GABRA3: variants seen among roughly 807,000 people sequenced by gnomAD.
GABRA3 encodes the protein gamma-aminobutyric acid receptor subunit alpha-3.
Under a neutral mutation model 30.1 loss-of-function variants are expected in GABRA3, and 10 were observed. That is an observed-to-expected ratio of 0.33 (90% CI 0.20 to 0.56). GABRA3 has a LOEUF of 0.56. GABRA3 is among the 20% of genes least tolerant of loss of function. The pLI is 0.89. For missense variants in GABRA3, 233 were observed against 392.0 expected (o/e 0.59, Z 3.42); for synonymous variants, 151 against 146.8 (o/e 1.03, Z -0.21).
At position 152,239,322 on chromosome X, in the gene GABRA3, A is replaced by C. The variant is rs902967560; in HGVS notation, c.552-14477T>G. Among the ~76,000 whole-genome samples the C allele has an allele frequency of 1.9e-4, 21 of 107,747 alleles. No individual in the cohort carries two copies. In the South Asian group the frequency reaches 5.0e-3, roughly 26 times the overall value. The allele number at this position is 107,747 out of a possible 115,157, so 93.6% of individuals were successfully genotyped here. A position where few individuals can be genotyped will look rare whatever the true frequency, so the allele number is the denominator to read the frequency against. On this transcript the variant is annotated intron_variant, in intron 5 of 9. Coordinates refer to ENST00000370314, the MANE Select transcript of GABRA3 (RefSeq NM_000808.4). ...AGAGGCTTTGAGTGAGATTCTTAAT[A>C]CTGAGTTCTAGTTTGATTGCACTGT... is the stretch of plus-strand genomic sequence containing the variant.
chrX:152,176,701 A>G (rs1044133165), intron 9 of GABRA3, among the ~76,000 whole-genome samples: 2 of 111,469 alleles, frequency 1.8e-5, no homozygotes, highest in Non-Finnish European at 3.8e-5. Context: ...CAGACATCCC[A>G]ATAGGAATAT....
intron 3 of GABRA3, among the ~76,000 whole-genome samples, chrX:152,292,397 C>A (rs1175309534): frequency 1.8e-5 from 2 of 111,613 alleles, no homozygotes; most frequent in African/African-American, 6.5e-5. Context: ...GTGATATCCC[C>A]TTTATCATTT....
chrX:152,270,960 ACTT>A (rs1433367478), intron 4 of GABRA3, among the ~76,000 whole-genome samples: 1 of 99,428 alleles, frequency 1.0e-5, no homozygotes, highest in Non-Finnish European at 2.0e-5. Context: ...CTTCCTAGAG[ACTT>A]CTTTTTTTTT....
intron 1 of GABRA3, among the ~76,000 whole-genome samples, chrX:152,450,736 T>G (rs1931200293): frequency 8.9e-6 from 1 of 111,834 alleles, no homozygotes. Context: ...ACTACATCCC[T>G]GGTGCCTAGA....
intron 5 of GABRA3, among the ~76,000 whole-genome samples, chrX:152,232,328 C>T (rs778378683): frequency 4.5e-5 from 5 of 109,898 alleles, no homozygotes; most frequent in Admixed American, 2.0e-4. Context: ...TATTACATAG[C>T]GGTGAAATTA....
chrX:152,209,854 C>A (rs899085741), intron 6 of GABRA3, among the ~76,000 whole-genome samples: 1 of 112,403 alleles, frequency 8.9e-6, no homozygotes, highest in Non-Finnish European at 1.9e-5. Flanking sequence ...TATATCTGTG[C>A]TCTCATAAGC....
chrX:152,393,421 G>A (rs1464186727), intron 1 of GABRA3: 2 of 377,534 alleles, frequency 5.3e-6, no homozygotes, highest in Non-Finnish European at 1.1e-5. Flanking sequence ...TCCCTGTAAA[G>A]CAGTAGACAA....
intron 7 of GABRA3, 115 bp downstream of exon 7, chrX:152,207,886 A>G (rs1428206218): frequency 1.4e-6 from 1 of 716,216 alleles, no homozygotes; most frequent in Non-Finnish European, 2.0e-6. Flanking sequence ...TCATGATAAT[A>G]CTATCTTTGT....
intron 5 of GABRA3, among the ~76,000 whole-genome samples, chrX:152,240,141 C>G (rs1938328424): frequency 9.7e-6 from 1 of 102,772 alleles, no homozygotes; most frequent in African/African-American, 3.9e-5. Flanking sequence ...ACCGGTTGTT[C>G]CTTTCCATGT....
intron 1 of GABRA3, among the ~76,000 whole-genome samples, chrX:152,391,952 T>C (rs1929497463): frequency 8.9e-6 from 1 of 112,183 alleles, no homozygotes; most frequent in Non-Finnish European, 1.9e-5. Flanking sequence ...CTAAGCATTC[T>C]ACATGTGCAT....
chrX:152,244,657 C>T (rs907743834), intron 5 of GABRA3, among the ~76,000 whole-genome samples: 5 of 111,380 alleles, frequency 4.5e-5, no homozygotes, highest in Middle Eastern at 4.7e-3. Context: ...CATTTGCCTT[C>T]GACCCACGGA....
intron 6 of GABRA3, among the ~76,000 whole-genome samples, chrX:152,214,792 C>T (rs1246829318): frequency 9.5e-6 from 1 of 104,839 alleles, no homozygotes; most frequent in Non-Finnish European, 1.9e-5. Context: ...TCTTTTACCT[C>T]CTTGGTTAAA....
intron 3 of GABRA3, 151 bp downstream of exon 3, chrX:152,345,430 G>T: frequency 1.8e-6 from 1 of 562,050 alleles, no homozygotes; most frequent in Non-Finnish European, 2.8e-6. Context: ...GAAGGATTAT[G>T]ACTAATTTTT....
intron 1 of GABRA3, among the ~76,000 whole-genome samples, chrX:152,427,015 A>T (rs1341518334): frequency 8.9e-6 from 1 of 111,780 alleles, no homozygotes. Context: ...ATATTTATTA[A>T]GTTATTTAAC....
At chrX:152,193,501 T>A (rs905624007) in intron 8 of GABRA3, among the ~76,000 whole-genome samples, 7 of 112,235 alleles carry the variant, frequency 6.2e-5, no homozygotes, top group Non-Finnish European at 9.4e-5. Context: ...ATGATTTACA[T>A]ATAAGTCTGG....
At chrX:152,291,677 A>G (rs1939421143) in intron 3 of GABRA3, among the ~76,000 whole-genome samples, 1 of 111,279 alleles carries the variant, frequency 9.0e-6, no homozygotes, top group Non-Finnish European at 1.9e-5. Context: ...TTATTTTGAG[A>G]TACGTTCCAT....
intron 6 of GABRA3, among the ~76,000 whole-genome samples, chrX:152,219,018 T>C (rs1937780049): frequency 9.0e-6 from 1 of 111,366 alleles, no homozygotes; most frequent in Non-Finnish European, 1.9e-5. Context: ...TCCTTCTTGA[T>C]GTACTTTATT....
At chrX:152,366,837 T>C (rs1928674387) in intron 1 of GABRA3, among the ~76,000 whole-genome samples, 2 of 111,399 alleles carry the variant, frequency 1.8e-5, no homozygotes, top group Admixed American at 9.6e-5. Flanking sequence ...TGAAATGGTT[T>C]AGGAGCAGAC....
At chrX:152,426,027 T>C (rs1930507839) in intron 1 of GABRA3, among the ~76,000 whole-genome samples, 1 of 111,487 alleles carries the variant, frequency 9.0e-6, no homozygotes, top group South Asian at 3.8e-4. Flanking sequence ...TTTATTTATG[T>C]AATTAAAATT....
Sources: allele counts gnomAD v4.1 joint callset (sites outside exome capture counted in the v4.1 genomes callset), GRCh38; gene constraint gnomAD v4.1.1; transcripts MANE v1.5; gene names NCBI Gene and HGNC (gene_info 2026-07-23, HGNC 2026-07-21).